The following HSCB variants were observed in gnomAD, a reference collection of about 807,000 sequenced individuals.
HSCB encodes HscB mitochondrial iron-sulfur cluster cochaperone.
Under a neutral mutation model 31.3 loss-of-function variants are expected in HSCB, and 23 were observed. The ratio of observed to expected loss-of-function variants is 0.74; its 90% CI spans 0.53 to 1.04. The LOEUF (loss-of-function observed/expected upper bound fraction) is 1.04, where lower values mean the gene tolerates loss of function less well. HSCB is among the 50% of genes least tolerant of loss of function. The pLI is 0.00. For synonymous variants in HSCB, 110 were observed against 104.5 expected (o/e 1.05, Z -0.32); for missense variants, 297 against 288.1 (o/e 1.03, Z -0.22).
Position 28,757,451 on chromosome 22 carries a change from C to A in HSCB, c.*282C>A. The A allele has an allele frequency of 4.0e-6, 1 of 247,292 alleles. No individual in the cohort carries two copies. The highest frequency in any genetic ancestry group is 7.8e-6 in the Non-Finnish European group (1 of 128,062). The allele number at this position is 247,292 out of a possible 1,614,324, so 15.3% of individuals were successfully genotyped here. On this transcript the variant is annotated 3_prime_UTR_variant, in exon 6 of 6. Coordinates refer to ENST00000216027, the MANE Select transcript of HSCB (RefSeq NM_172002.5). Reference sequence around the variant, plus strand: ...AGTGAGCAGAGATCACGCAACTGCACTCCAGCTTGGGCAACAGAGTGAGAC... The same window carrying A: ...AGTGAGCAGAGATCACGCAACTGCAATCCAGCTTGGGCAACAGAGTGAGAC...
At chr22:28,746,130 C>G in intron 4 of HSCB, 122 bp downstream of exon 4, 1 of 938,736 alleles carries the variant, frequency 1.1e-6, no homozygotes, top group Middle Eastern at 3.6e-4. Flanking sequence ...CCTATAATCC[C>G]AGCACTTTGG....
chr22:28,745,951 A>G lies in HSCB; in HGVS notation c.511A>G (p.Lys171Glu). 6.2e-7 allele frequency: 1 copy of G among 1,614,050 alleles called. No homozygotes were observed. Residue 171 changes from lysine (K) to glutamate (E), a missense_variant, in exon 4 of 6, where the codon AAA (lysine) becomes GAA (glutamate). By Grantham distance (56) the Lys-to-Glu change is moderately conservative. Coordinates refer to ENST00000216027, the MANE Select transcript of HSCB (RefSeq NM_172002.5). ...FLIEIMEINEKLAEAESEAAM... is the reference protein window; with the variant it reads ...FLIEIMEINEELAEAESEAAM... Reference sequence around the variant, plus strand: ...CATAGAAATAATGGAAATCAATGAAAAACTCGCAGAAGCTGAAAGTGAAGC... The same window carrying G: ...CATAGAAATAATGGAAATCAATGAAGAACTCGCAGAAGCTGAAAGTGAAGC...
chr22:28,746,113 G>C, intron 4 of HSCB, 105 bp downstream of exon 4: 1 of 1,107,024 alleles, frequency 9.0e-7, no homozygotes, highest in Non-Finnish European at 1.3e-6. Context: ...GGGTGCAGTG[G>C]CTCACGCCTA....
chr22:28,754,237 A>G (rs1344808085), intron 5 of HSCB, among the ~76,000 whole-genome samples: 1 of 152,202 alleles, frequency 6.6e-6, no homozygotes, highest in Non-Finnish European at 1.5e-5. Flanking sequence ...AATACTATAT[A>G]ATTCCACTTA....
intron 5 of HSCB, among the ~76,000 whole-genome samples, chr22:28,754,738 T>C (rs1418383962): frequency 6.6e-6 from 1 of 152,048 alleles, no homozygotes; most frequent in Non-Finnish European, 1.5e-5. Context: ...CTTAATGTCA[T>C]TGAACTGTAC....
intron 5 of HSCB, among the ~76,000 whole-genome samples, chr22:28,755,415 A>T (rs1220820532): frequency 5.3e-5 from 8 of 152,128 alleles, no homozygotes; most frequent in African/African-American, 1.9e-4. Context: ...ATCTCAAAAA[A>T]ATAAAATGTT....
At chr22:28,751,382 C>T in intron 5 of HSCB, 94 bp downstream of exon 5, 1 of 675,664 alleles carries the variant, frequency 1.5e-6, no homozygotes, top group Non-Finnish European at 2.6e-6. Flanking sequence ...ATATACCTTC[C>T]TATGATAGCT....
At chr22:28,756,835 C>T (rs2030629481) in intron 5 of HSCB, among the ~76,000 whole-genome samples, 1 of 152,008 alleles carries the variant, frequency 6.6e-6, no homozygotes, top group Non-Finnish European at 1.5e-5. Context: ...TGAAGAGAAT[C>T]AACTTCTCTA....
At chr22:28,750,443 C>G (rs952831855) in intron 4 of HSCB, among the ~76,000 whole-genome samples, 1 of 152,006 alleles carries the variant, frequency 6.6e-6, no homozygotes, top group African/African-American at 2.4e-5. Flanking sequence ...TAAGAACCTC[C>G]AGGTTCCTAG....
chr22:28,748,117 G>A (rs1437282729), intron 4 of HSCB, among the ~76,000 whole-genome samples: 1 of 152,114 alleles, frequency 6.6e-6, no homozygotes, highest in African/African-American at 2.4e-5. Context: ...CCCGGGAGGC[G>A]GAGGTTGCAG....
At chr22:28,743,199 T>C (rs1244493367) in intron 1 of HSCB, among the ~76,000 whole-genome samples, 1 of 152,088 alleles carries the variant, frequency 6.6e-6, no homozygotes, top group Non-Finnish European at 1.5e-5. Flanking sequence ...AGGAAATTTG[T>C]AGCCAAGGAG....
At chr22:28,748,687 ATTT>A (rs1192881490) in intron 4 of HSCB, among the ~76,000 whole-genome samples, 1 of 150,454 alleles carries the variant, frequency 6.6e-6, no homozygotes, top group Non-Finnish European at 1.5e-5. Context: ...TAATTTTTCT[ATTT>A]TTTTTAAGTA....
intron 5 of HSCB, among the ~76,000 whole-genome samples, chr22:28,753,212 A>G (rs1380855913): frequency 1.3e-5 from 2 of 152,076 alleles, no homozygotes. Context: ...TTGATCTAAC[A>G]AAGTGTTTTC....
At position 28,745,879 on chromosome 22, in the gene HSCB, A is replaced by C; in HGVS notation, c.439A>C (p.Ile147Leu). The change falls in exon 4 of 6, where the codon ATA becomes CTA. Residue 147 changes from isoleucine to leucine, a missense_variant. Transcript: ENST00000216027. ...RGLYLLKLHG[I>L]EIPERTDYEM... The stretch of plus-strand genomic sequence containing the variant: ...ACCCCAATAGCTAAAGCTCCATGGA[A>C]TAGAGATTCCTGAAAGGACAGATTA... The C allele has an allele frequency of 6.2e-7, 1 of 1,611,930 alleles. No individual in the cohort carries two copies. Among genetic ancestry groups the C allele is most frequent in the Non-Finnish European group, 8.5e-7 (1 of 1,179,106 alleles).
chr22:28,742,915 G>T (rs1258167384), intron 1 of HSCB, among the ~76,000 whole-genome samples: 2 of 152,114 alleles, frequency 1.3e-5, no homozygotes, highest in African/African-American at 4.8e-5. Context: ...GAGAGACGGG[G>T]CAGTGTGGAT....
At chr22:28,749,349 G>T (rs188018652) in intron 4 of HSCB, among the ~76,000 whole-genome samples, 1 of 151,834 alleles carries the variant, frequency 6.6e-6, no homozygotes, top group African/African-American at 2.4e-5. Flanking sequence ...CCTCTCCTCC[G>T]CCCCATTTAA....
intron 4 of HSCB, among the ~76,000 whole-genome samples, chr22:28,750,891 T>C (rs2030178842): frequency 6.7e-6 from 1 of 149,054 alleles, no homozygotes; most frequent in Non-Finnish European, 1.5e-5. Flanking sequence ...TTCTCCTTGC[T>C]GAAATGTCGA....
chr22:28,756,493 G>A (rs1423169248), intron 5 of HSCB, among the ~76,000 whole-genome samples: 1 of 147,580 alleles, frequency 6.8e-6, no homozygotes, highest in Admixed American at 6.7e-5. Flanking sequence ...TAAAGAGACA[G>A]GGTCTCACCC....
chr22:28,753,924 C>G (rs1475748494), intron 5 of HSCB, among the ~76,000 whole-genome samples: 2 of 151,970 alleles, frequency 1.3e-5, no homozygotes, highest in African/African-American at 4.8e-5. Flanking sequence ...GTCGGCAGAT[C>G]ACAAGGTCAA....
Sources: gnomAD v4.1 joint callset for allele counts (sites outside exome capture counted in the v4.1 genomes callset) on GRCh38, gnomAD v4.1.1 for gene constraint, MANE v1.5 for transcripts, NCBI Gene and HGNC (gene_info 2026-07-23, HGNC 2026-07-21) for gene names.